GABRG3: variants seen among roughly 807,000 people sequenced by gnomAD.
GABRG3 encodes gamma-aminobutyric acid receptor subunit gamma-3.
A neutral mutation model predicts 48.8 loss-of-function variants in GABRG3; 25 were observed. The observed-to-expected ratio is 0.51, with a 90% CI of 0.37 to 0.72. The LOEUF (loss-of-function observed/expected upper bound fraction) is 0.72, where lower values mean the gene tolerates loss of function less well. GABRG3 is among the 30% of genes least tolerant of loss of function. GABRG3 has a pLI of 0.00. For missense variants in GABRG3, 394 were observed against 577.9 expected, an observed-to-expected ratio of 0.68 and a Z score of 3.26; for synonymous variants, 227 against 217.6, an observed-to-expected ratio of 1.04 and a Z score of -0.38.
rs1896884140 is a variant in GABRG3, at chr15:27,074,788, T to G, written c.270+47967T>G. Among the ~76,000 whole-genome samples, 2 of 152,044 alleles carry G rather than the reference T, an allele frequency of 1.3e-5. 1 individual carries two copies. The highest frequency in any genetic ancestry group is 4.2e-4 in the South Asian group (2 of 4,818). On this transcript the variant is annotated intron_variant, in intron 3 of 9. Transcript: ENST00000615808. ...GATTTAGTGTAACACATCAGGAGTG[T>G]GTGTGTAGGCAGTGAATGGATGGCA...
At chr15:27,371,230 G>A (rs1362393192) in intron 5 of GABRG3, among the ~76,000 whole-genome samples, 1 of 151,930 alleles carries the variant, frequency 6.6e-6, no homozygotes, top group South Asian at 2.1e-4. Flanking sequence ...AGCAACCATC[G>A]ATAGAATATG....
At chr15:27,428,761 A>G (rs969747821) in intron 5 of GABRG3, among the ~76,000 whole-genome samples, 7 of 152,212 alleles carry the variant, frequency 4.6e-5, no homozygotes, top group African/African-American at 1.7e-4. Flanking sequence ...AGCTGACAGC[A>G]AGGAGGGCAT....
At chr15:27,514,730 CA>C (rs923886922) in intron 6 of GABRG3, among the ~76,000 whole-genome samples, 1 of 152,136 alleles carries the variant, frequency 6.6e-6, no homozygotes, top group African/African-American at 2.4e-5. Context: ...GTGTGTCTGC[CA>C]CAGTTATGCT....
chr15:27,406,804 A>G (rs1329548928), intron 5 of GABRG3, among the ~76,000 whole-genome samples: 1 of 152,208 alleles, frequency 6.6e-6, no homozygotes, highest in Non-Finnish European at 1.5e-5. Context: ...TTGTCAATGT[A>G]CCAGGGTAAT....
At chr15:27,141,184 T>C (rs911535643) in intron 3 of GABRG3, among the ~76,000 whole-genome samples, 5 of 152,170 alleles carry the variant, frequency 3.3e-5, no homozygotes, top group African/African-American at 1.2e-4. Context: ...CCTAGTTCAC[T>C]GAGAAGCAGC....
intron 5 of GABRG3, among the ~76,000 whole-genome samples, chr15:27,468,106 C>T (rs1375726902): frequency 6.6e-6 from 1 of 152,206 alleles, no homozygotes; most frequent in East Asian, 1.9e-4. Context: ...AGTCCCCATA[C>T]ACCTGTGGGA....
At chr15:27,079,794 C>T (rs902625740) in intron 3 of GABRG3, among the ~76,000 whole-genome samples, 1 of 152,178 alleles carries the variant, frequency 6.6e-6, no homozygotes, top group East Asian at 1.9e-4. Flanking sequence ...CTGGATCATG[C>T]AAGCCTCAGA....
chr15:27,050,645 T>A (rs1484175991), intron 3 of GABRG3, among the ~76,000 whole-genome samples: 1 of 152,232 alleles, frequency 6.6e-6, no homozygotes, highest in African/African-American at 2.4e-5. Flanking sequence ...AGATTCAGAC[T>A]TCTGGAGGGG....
intron 5 of GABRG3, chr15:27,365,213 C>T (rs538687756): frequency 7.4e-6 from 1 of 134,898 alleles, no homozygotes; most frequent in African/African-American, 2.9e-5. Context: ...GGGAAATATA[C>T]TGATACACTA....
At chr15:27,317,735 T>C (rs1382861526) in intron 3 of GABRG3, among the ~76,000 whole-genome samples, 1 of 152,208 alleles carries the variant, frequency 6.6e-6, no homozygotes, top group Non-Finnish European at 1.5e-5. Flanking sequence ...CATTTTCTCA[T>C]GGAAAAATCA....
intron 3 of GABRG3, among the ~76,000 whole-genome samples, chr15:27,307,805 A>C (rs189510566): frequency 0.017 from 2,099 of 122,836 alleles, 75 homozygotes; most frequent in African/African-American, 0.068. Flanking sequence ...TAAAATAAAC[A>C]TAAACATATA....
At position 27,232,650 on chromosome 15, in the gene GABRG3, TCTTGA is replaced by T. The variant is rs534267664; in HGVS notation, c.271-94154_271-94150del. Among the ~76,000 whole-genome samples, 111 of 152,286 alleles carry T rather than the reference TCTTGA, an allele frequency of 7.3e-4. No homozygotes were observed. In the Middle Eastern group the frequency reaches 0.024, roughly 33 times the overall value. ...TACAATTCTGCTTTTAATCATTCAG[TCTTGA>T]CTTGGGGATAGGAGACAACAAGGCC... On this transcript the variant is annotated intron_variant, in intron 3 of 9. Coordinates refer to ENST00000615808, the MANE Select transcript of GABRG3 (RefSeq NM_033223.5).
intron 3 of GABRG3, among the ~76,000 whole-genome samples, chr15:27,284,739 C>T (rs919119882): frequency 1.8e-4 from 28 of 152,290 alleles, no homozygotes; most frequent in African/African-American, 6.5e-4. Flanking sequence ...ATTTGACCAG[C>T]GATCTGCAGA....
At chr15:27,152,921 C>T (rs1388424553) in intron 3 of GABRG3, among the ~76,000 whole-genome samples, 6 of 148,574 alleles carry the variant, frequency 4.0e-5, no homozygotes, top group East Asian at 2.0e-4. Context: ...AGTGCAGTGG[C>T]GCGATCTCGG....
At chr15:27,377,452 G>A (rs950268477) in intron 5 of GABRG3, among the ~76,000 whole-genome samples, 1 of 152,168 alleles carries the variant, frequency 6.6e-6, no homozygotes, top group South Asian at 2.1e-4. Flanking sequence ...AGAAAAAGAG[G>A]TTTAAGGACT....
chr15:27,318,423 G>A (rs888199819), intron 3 of GABRG3, among the ~76,000 whole-genome samples: 2 of 152,104 alleles, frequency 1.3e-5, no homozygotes, highest in Non-Finnish European at 2.9e-5. Context: ...GGAGATGGGG[G>A]AAAGACTGTG....
At chr15:27,165,458 G>A (rs1566952277) in intron 3 of GABRG3, among the ~76,000 whole-genome samples, 1 of 152,168 alleles carries the variant, frequency 6.6e-6, no homozygotes, top group African/African-American at 2.4e-5. Context: ...CCAGGTTCTA[G>A]TTCTTGTCAT....
chr15:27,007,585 T>G (rs1293469472), intron 2 of GABRG3, among the ~76,000 whole-genome samples: 1 of 152,224 alleles, frequency 6.6e-6, no homozygotes, highest in Non-Finnish European at 1.5e-5. Flanking sequence ...TCTGTTATTT[T>G]TTGGCTTCCT....
At chr15:27,347,332 C>G (rs1039226379) in intron 5 of GABRG3, among the ~76,000 whole-genome samples, 9 of 152,198 alleles carry the variant, frequency 5.9e-5, no homozygotes, top group Non-Finnish European at 1.0e-4. Flanking sequence ...GCACTCTGAT[C>G]TTTAAGTGGA....
Sources: gnomAD v4.1 joint callset for allele counts (sites outside exome capture counted in the v4.1 genomes callset) on GRCh38, gnomAD v4.1.1 for gene constraint, MANE v1.5 for transcripts, NCBI Gene and HGNC (gene_info 2026-07-23, HGNC 2026-07-21) for gene names.